RYR2: variants seen among roughly 807,000 people sequenced by gnomAD.
RYR2 encodes ryanodine receptor 2, also known as cardiac muscle ryanodine receptor-calcium release channel.
RYR2 carries 227 observed loss-of-function variants against 601.1 expected under a neutral mutation model. The observed-to-expected ratio is 0.38, with a 90% confidence interval of 0.34 to 0.42. The LOEUF (loss-of-function observed/expected upper bound fraction) is 0.42, where lower values mean the gene tolerates loss of function less well. Among genes scored for constraint, RYR2 ranks in the 10% least tolerant of loss-of-function variants. The pLI is 1.00. For synonymous variants in RYR2, 2,223 were observed against 2,175.1 expected (o/e 1.02, Z -0.61); for missense variants, 4,646 against 6,156.5 (o/e 0.75, Z 8.21).
chr1:237,655,230 A>C, intron 52 of RYR2, among the ~76,000 whole-genome samples: 1 of 152,332 alleles, frequency 6.6e-6, no homozygotes, highest in Middle Eastern at 3.4e-3. Flanking sequence ...TTTAAAGTGA[A>C]ATAAATTATT....
intron 10 of RYR2, among the ~76,000 whole-genome samples, chr1:237,397,408 G>A (rs1007435382): frequency 2.6e-5 from 4 of 152,054 alleles, no homozygotes; most frequent in Non-Finnish European, 4.4e-5. Flanking sequence ...GTTATGTCAC[G>A]ACTATGTTTT....
chr1:237,757,752 T>A lies in RYR2; in HGVS notation c.11301T>A (p.Asn3767Lys), dbSNP rs1693079970. 1.2e-6 allele frequency: 2 copies of A among 1,610,624 alleles called. No homozygotes were observed. Among genetic ancestry groups the A allele is most frequent in the Non-Finnish European group, 1.7e-6 (2 of 1,176,912 alleles). ...TGAAACTTGGAATTGCTATTTTAAA[T>A]GGTGGGAACTCCACAGTACAGCAGG... is the stretch of plus-strand genomic sequence containing the variant. The part of the protein sequence containing the change: ...ATLKLGIAIL[N>K]GGNSTVQQKM... Residue 3767 changes from asparagine to lysine, a missense_variant, in exon 82 of 105, where the codon AAT (asparagine) becomes AAA (lysine). Asn to Lys is a moderately conservative substitution (Grantham distance 94, BLOSUM62 0). Transcript: ENST00000366574.
At chr1:237,155,888 T>G (rs1234809207) in intron 1 of RYR2, among the ~76,000 whole-genome samples, 3 of 152,226 alleles carry the variant, frequency 2.0e-5, no homozygotes, top group African/African-American at 7.2e-5. Context: ...CGTCACCATT[T>G]AACCAGCTGT....
At chr1:237,046,375 A>G (rs1408457936) in intron 1 of RYR2, among the ~76,000 whole-genome samples, 5 of 152,218 alleles carry the variant, frequency 3.3e-5, no homozygotes, top group African/African-American at 1.2e-4. Flanking sequence ...TTTTAGGTTT[A>G]TAGCAAAAGA....
chr1:237,689,927 C>T (rs966364315), intron 63 of RYR2, among the ~76,000 whole-genome samples: 1 of 151,718 alleles, frequency 6.6e-6, no homozygotes, highest in Non-Finnish European at 1.5e-5. Context: ...TCACTGCAAC[C>T]TCCGCCTCCC....
At chr1:237,619,528 G>C (rs1413135509) in intron 38 of RYR2, among the ~76,000 whole-genome samples, 1 of 152,128 alleles carries the variant, frequency 6.6e-6, no homozygotes, top group African/African-American at 2.4e-5. Context: ...TGATGTTGGA[G>C]TCTCAGAGGA....
chr1:237,383,181 T>C (rs998150823), intron 8 of RYR2, among the ~76,000 whole-genome samples: 2 of 151,952 alleles, frequency 1.3e-5, no homozygotes, highest in African/African-American at 4.8e-5. Context: ...AATGGTGAAG[T>C]GCATAAAATA....
intron 29 of RYR2, among the ~76,000 whole-genome samples, chr1:237,580,332 T>C (rs185406308): frequency 3.4e-4 from 52 of 151,880 alleles, no homozygotes; most frequent in African/African-American, 9.9e-4. Flanking sequence ...ATTTTTTGTA[T>C]TTTTTGTAGA....
chr1:237,197,451 T>C (rs1680693347), intron 1 of RYR2, among the ~76,000 whole-genome samples: 1 of 152,228 alleles, frequency 6.6e-6, no homozygotes, highest in South Asian at 2.1e-4. Flanking sequence ...ATTGTATATT[T>C]CTTAATTATG....
intron 1 of RYR2, among the ~76,000 whole-genome samples, chr1:237,173,954 G>A (rs1558367239): frequency 6.6e-6 from 1 of 152,132 alleles, no homozygotes; most frequent in African/African-American, 2.4e-5. Flanking sequence ...CTACTCTGGA[G>A]GCTGAGGCAG....
chr1:237,463,064 T>C (rs1558861499), intron 16 of RYR2, among the ~76,000 whole-genome samples: 2 of 152,144 alleles, frequency 1.3e-5, no homozygotes, highest in Non-Finnish European at 2.9e-5. Context: ...CATTCTGAAG[T>C]GTTTTGTTTT....
chr1:237,606,905 A>T (rs1677190312), intron 35 of RYR2, among the ~76,000 whole-genome samples: 1 of 152,242 alleles, frequency 6.6e-6, no homozygotes, highest in Non-Finnish European at 1.5e-5. Context: ...AATGGTGATC[A>T]TTAAAAAGAC....
At chr1:237,809,144 C>G in intron 100 of RYR2, 109 bp downstream of exon 100, 1 of 1,064,126 alleles carries the variant, frequency 9.4e-7, no homozygotes, top group East Asian at 2.4e-5. Flanking sequence ...ATAGTCTAAA[C>G]AAATAAAAAG....
chr1:237,731,312 A>C (rs1690657825), intron 77 of RYR2, among the ~76,000 whole-genome samples: 1 of 152,166 alleles, frequency 6.6e-6, no homozygotes, highest in Non-Finnish European at 1.5e-5. Context: ...TCTGCCAATA[A>C]AAATGCTTAA....
chr1:237,275,981 A>C (rs1690244029), intron 2 of RYR2, among the ~76,000 whole-genome samples: 1 of 152,258 alleles, frequency 6.6e-6, no homozygotes, highest in South Asian at 2.1e-4. Flanking sequence ...AAGGCAAAAT[A>C]AAATTGAAGA....
chr1:237,724,800 C>A lies in RYR2; in HGVS notation c.10690-1473C>A, dbSNP rs577632279. Among the ~76,000 whole-genome samples the A allele has an allele frequency of 9.2e-5, 14 of 151,928 alleles. No homozygotes were observed. The South Asian group carries it at 2.7e-3, about 29-fold the overall frequency. The stretch of plus-strand genomic sequence containing the variant: ...ATTGCTCTACCATCAGTTTTTAATT[C>A]TTCCTAGTGTTTATACATATATATA... On this transcript the variant is annotated intron_variant, in intron 74 of 104. Coordinates refer to ENST00000366574, the MANE Select transcript of RYR2 (RefSeq NM_001035.3).
At chr1:237,123,478 C>G (rs924812140) in intron 1 of RYR2, among the ~76,000 whole-genome samples, 1 of 151,892 alleles carries the variant, frequency 6.6e-6, no homozygotes, top group Non-Finnish European at 1.5e-5. Flanking sequence ...GTCCCAGCTA[C>G]TAGGAGGCTG....
chr1:237,288,890 G>A (rs182971963), intron 2 of RYR2, among the ~76,000 whole-genome samples: 9 of 152,248 alleles, frequency 5.9e-5, no homozygotes, highest in Admixed American at 1.3e-4. Context: ...TGCCTGTGGA[G>A]TTTTACCCCG....
intron 1 of RYR2, among the ~76,000 whole-genome samples, chr1:237,165,323 T>A (rs73119336): frequency 0.016 from 2,434 of 152,310 alleles, 67 homozygotes; most frequent in African/African-American, 0.055. Flanking sequence ...TCTTAAGTGT[T>A]AATTAACAAG....
Sources: allele counts gnomAD v4.1 joint callset (sites outside exome capture counted in the v4.1 genomes callset), GRCh38; gene constraint gnomAD v4.1.1; transcripts MANE v1.5; gene names NCBI Gene and HGNC (gene_info 2026-07-23, HGNC 2026-07-21).